The following COL25A1 variants were observed in gnomAD, a reference collection of about 807,000 sequenced individuals.
COL25A1 encodes the protein collagen alpha-1(XXV) chain.
A neutral mutation model predicts 128.4 loss-of-function variants in COL25A1; 103 were observed. That is an observed-to-expected ratio of 0.80 (90% confidence interval 0.68 to 0.94). The LOEUF is 0.94. COL25A1 is among the 40% of genes least tolerant of loss of function. The pLI, the probability that COL25A1 is intolerant of heterozygous loss-of-function variation, is 0.00. For synonymous variants in COL25A1, 279 were observed against 277.2 expected, an observed-to-expected ratio of 1.01 and a Z score of -0.06; for missense variants, 745 against 840.0, an observed-to-expected ratio of 0.89 and a Z score of 1.40.
intron 8 of COL25A1, among the ~76,000 whole-genome samples, chr4:108,957,295 G>T (rs943623807): frequency 2.0e-5 from 3 of 152,106 alleles, no homozygotes; most frequent in Non-Finnish European, 2.9e-5. Context: ...GAGATGGGAC[G>T]TGAGAGGTAT....
chr4:109,296,268 A>G (rs1178778193), intron 3 of COL25A1, among the ~76,000 whole-genome samples: 1 of 152,044 alleles, frequency 6.6e-6, no homozygotes, highest in Non-Finnish European at 1.5e-5. Flanking sequence ...GATTTTCTCT[A>G]TTGTGAAATT....
At chr4:108,984,697 G>A (rs570306783) in intron 6 of COL25A1, among the ~76,000 whole-genome samples, 55 of 152,314 alleles carry the variant, frequency 3.6e-4, no homozygotes, top group African/African-American at 1.2e-3. Flanking sequence ...TGGCCCGCAA[G>A]CACCGCGCGC....
At chr4:108,948,038 G>A (rs891212956) in intron 8 of COL25A1, among the ~76,000 whole-genome samples, 1 of 152,148 alleles carries the variant, frequency 6.6e-6, no homozygotes, top group Non-Finnish European at 1.5e-5. Flanking sequence ...GGGCATGTGT[G>A]CAGCACAAAT....
At chr4:109,232,309 A>G (rs1015675482) in intron 3 of COL25A1, among the ~76,000 whole-genome samples, 2 of 151,804 alleles carry the variant, frequency 1.3e-5, no homozygotes, top group African/African-American at 4.8e-5. Context: ...ACACTGAAAA[A>G]GAAGTAAGAT....
chr4:108,980,179 T>C (rs1323698516), intron 6 of COL25A1, among the ~76,000 whole-genome samples: 3 of 152,232 alleles, frequency 2.0e-5, no homozygotes, highest in Non-Finnish European at 2.9e-5. Context: ...GTGCTCTGTT[T>C]TGTGGAACTC....
chr4:108,820,893 A>T (rs969718418), intron 35 of COL25A1, among the ~76,000 whole-genome samples: 1 of 152,166 alleles, frequency 6.6e-6, no homozygotes, highest in Non-Finnish European at 1.5e-5. Flanking sequence ...TAAGGAAAGG[A>T]GGCAAAAGGA....
chr4:108,901,118 C>A lies in COL25A1; in HGVS notation c.834+1G>T, dbSNP rs1490961438. 6.2e-7 allele frequency: 1 copy of A among 1,610,570 alleles called. No homozygotes were observed. The highest frequency in any genetic ancestry group is 8.5e-7 in the Non-Finnish European group (1 of 1,177,140). ...TTCTGCTTGGCTTTATTTGTACTAA[C>A]CTTAGGTCCTGGTATTCCATTCTGT... On this transcript the variant is annotated splice_donor_variant, in intron 14 of 37. Coordinates refer to ENST00000399132, the MANE Select transcript of COL25A1 (RefSeq NM_198721.4). LOFTEE classifies it high-confidence loss of function.
intron 11 of COL25A1, among the ~76,000 whole-genome samples, chr4:108,928,216 T>C (rs558044719): frequency 6.6e-6 from 1 of 152,172 alleles, no homozygotes; most frequent in Non-Finnish European, 1.5e-5. Flanking sequence ...TGTAAGTGCT[T>C]TTCCTATTTT....
chr4:109,239,790 G>A (rs1385975437), intron 3 of COL25A1, among the ~76,000 whole-genome samples: 2 of 152,006 alleles, frequency 1.3e-5, no homozygotes, highest in Admixed American at 6.6e-5. Context: ...ACTTCATCAT[G>A]TTTTTAATTT....
At chr4:108,881,945 A>G (rs1450236042) in intron 19 of COL25A1, among the ~76,000 whole-genome samples, 1 of 152,188 alleles carries the variant, frequency 6.6e-6, no homozygotes, top group Admixed American at 6.5e-5. Context: ...ATGTCTACAT[A>G]CTCTTGATGA....
intron 3 of COL25A1, among the ~76,000 whole-genome samples, chr4:109,174,377 T>A (rs1282955784): frequency 6.6e-6 from 1 of 152,172 alleles, no homozygotes; most frequent in African/African-American, 2.4e-5. Context: ...TTCCTTTTTA[T>A]CACAGGGACC....
chr4:109,255,099 G>A (rs780450144), intron 3 of COL25A1, among the ~76,000 whole-genome samples: 11 of 152,144 alleles, frequency 7.2e-5, no homozygotes, highest in South Asian at 2.1e-4. Flanking sequence ...TAAGTATTCC[G>A]TTTGGGTGGG....
intron 3 of COL25A1, among the ~76,000 whole-genome samples, chr4:109,126,211 A>G (rs939161682): frequency 9.8e-5 from 15 of 152,338 alleles, no homozygotes; most frequent in Non-Finnish European, 1.9e-4. Flanking sequence ...TGAAAAACAT[A>G]CTTTCTTGAT....
At chr4:108,859,591 C>T in intron 24 of COL25A1, 65 bp downstream of exon 24, 2 of 1,384,540 alleles carry the variant, frequency 1.4e-6, no homozygotes, top group Non-Finnish European at 2.0e-6. Flanking sequence ...CATATTTGCA[C>T]ACATTACATG....
At chr4:109,252,202 T>C (rs564527337) in intron 3 of COL25A1, among the ~76,000 whole-genome samples, 170 of 152,360 alleles carry the variant, frequency 1.1e-3, no homozygotes, top group African/African-American at 4.0e-3. Flanking sequence ...AACAAAATGC[T>C]GCCCCTTCTA....
At position 109,302,031 on chromosome 4, in the gene COL25A1, C is replaced by T; in HGVS notation, c.-12G>A. On this transcript the variant is annotated 5_prime_UTR_variant, in exon 2 of 38. Coordinates refer to ENST00000399132, the MANE Select transcript of COL25A1 (RefSeq NM_198721.4). ...TTCTTCAGCAGCATCGTGGCGGGGT[C>T]GGCCGTCTCGGCTTCGCTTCCCACC... 1 of 1,567,950 alleles carries T rather than the reference C, an allele frequency of 6.4e-7. No homozygotes were observed. The highest frequency in any genetic ancestry group is 1.2e-5 in the South Asian group (1 of 85,996).
rs1003568785 is a variant in COL25A1 at position 109,035,300 on chromosome 4, A to G, written c.420+12868T>C. On this transcript the variant is annotated intron_variant, in intron 5 of 37. Transcript: ENST00000399132. ...CCTAAAATGAATGCTTATATTGCCC[A>G]TGGAGTCTAATTTACTGACAAAATA... Among the ~76,000 whole-genome samples the G allele has an allele frequency of 3.9e-5, 6 of 152,176 alleles. No homozygotes were observed. In the South Asian group the frequency reaches 6.2e-4, roughly 16 times the overall value.
At chr4:108,938,197 T>C (rs901724241) in intron 10 of COL25A1, among the ~76,000 whole-genome samples, 6 of 152,182 alleles carry the variant, frequency 3.9e-5, no homozygotes, top group Non-Finnish European at 8.8e-5. Context: ...ATTTTGGTCT[T>C]CCTGGATTAA....
intron 3 of COL25A1, among the ~76,000 whole-genome samples, chr4:109,119,578 T>C (rs1373436941): frequency 1.3e-5 from 2 of 151,990 alleles, no homozygotes; most frequent in African/African-American, 4.8e-5. Flanking sequence ...ATCAACTCCT[T>C]GAAACACACA....
Sources: gnomAD v4.1 joint callset for allele counts (sites outside exome capture counted in the v4.1 genomes callset) on GRCh38, gnomAD v4.1.1 for gene constraint, MANE v1.5 for transcripts, NCBI Gene and HGNC (gene_info 2026-07-23, HGNC 2026-07-21) for gene names.